The following TAF4B variants were observed in gnomAD, a reference collection of about 807,000 sequenced individuals.
TAF4B encodes the protein transcription initiation factor TFIID subunit 4B.
TAF4B carries 38 observed loss-of-function variants against 86.4 expected under a neutral mutation model. The ratio of observed to expected loss-of-function variants is 0.44; its 90% CI spans 0.34 to 0.58. The LOEUF (loss-of-function observed/expected upper bound fraction) is 0.58. Among genes scored for constraint, TAF4B ranks in the 20% least tolerant of loss-of-function variants. TAF4B has a pLI of 0.02. For missense variants in TAF4B, 988 were observed against 1,027.6 expected (o/e 0.96, Z 0.53); for synonymous variants, 388 against 391.2 (o/e 0.99, Z 0.10).
Position 26,321,149 on chromosome 18 carries a change from C to G in TAF4B, c.2082C>G (p.Gly694=), listed in dbSNP as rs780332387. The change falls in exon 11 of 15, where the codon GGC becomes GGG. Residue 694 remains glycine, a synonymous_variant. Transcript: ENST00000269142. ...ISQATQERLR[G]LLEKLTAIAQ... ...AAGCAACACAGGAACGACTACGAGG[C>G]CTTCTAGAAAAACTGACTGCAATTG... 2 of 1,613,802 alleles carry G rather than the reference C, an allele frequency of 1.2e-6. No homozygotes were observed. Among genetic ancestry groups the G allele is most frequent in the Admixed American group, 1.7e-5 (1 of 60,004 alleles).
chr18:26,246,449 G>A (rs1002068155), intron 1 of TAF4B, among the ~76,000 whole-genome samples: 3 of 152,142 alleles, frequency 2.0e-5, no homozygotes, highest in African/African-American at 7.2e-5. Context: ...TAGCAACATA[G>A]GAGAGAACAT....
rs1029611766 is a variant in TAF4B at position 26,226,958 on chromosome 18, G to A, written c.25G>A (p.Ala9Thr). The part of the protein sequence containing the change: MPAGLTEP[A>T]GAAPPAAVSA... ...GATGCCCGCCGGCCTCACCGAACCC[G>A]CCGGCGCCGCTCCCCCGGCTGCTGT... Residue 9 changes from alanine (A) to threonine (T), a missense_variant, in exon 1 of 15, where the codon GCC (alanine) becomes ACC (threonine). By Grantham distance (58) the Ala-to-Thr change is moderately conservative. This residue lies in a region of TAF4B where 747 missense variants were observed against 737.9 expected (regional missense o/e 1.01). Transcript: ENST00000269142. The A allele has an allele frequency of 1.4e-6, 2 of 1,381,570 alleles. No homozygotes were observed. Among genetic ancestry groups the A allele is most frequent in the Non-Finnish European group, 1.9e-6 (2 of 1,077,812 alleles). The allele number at this position is 1,381,570 out of a possible 1,614,324, so 85.6% of individuals were successfully genotyped here. A position where few individuals can be genotyped will look rare whatever the true frequency, so the allele number is the denominator to read the frequency against.
intron 13 of TAF4B, among the ~76,000 whole-genome samples, chr18:26,346,457 A>G (rs62085410): frequency 0.014 from 2,191 of 151,960 alleles, 31 homozygotes; most frequent in Admixed American, 0.034. Flanking sequence ...ATAATAGCTG[A>G]AAATTTCTCA....
rs542638915 is a variant in TAF4B at position 26,391,011 on chromosome 18, A to G, written c.*999A>G. On this transcript the variant is annotated 3_prime_UTR_variant, in exon 15 of 15. Coordinates refer to ENST00000269142, the MANE Select transcript of TAF4B (RefSeq NM_005640.3). ...CCTTCTGTCATAATATATTTTAGTT[A>G]TCCTAATTTTTAAGCATGTTGGCAC... is the stretch of plus-strand genomic sequence containing the variant. The G allele has an allele frequency of 6.6e-6, 1 of 152,312 alleles. No individual in the cohort carries two copies. The highest frequency in any genetic ancestry group is 1.9e-4 in the East Asian group (1 of 5,176). 9.4% of individuals were successfully genotyped at this position (152,312 alleles called of 1,614,324 possible).
intron 3 of TAF4B, among the ~76,000 whole-genome samples, 170 bp downstream of exon 3, chr18:26,267,793 A>G (rs1366038828): frequency 6.6e-6 from 1 of 152,258 alleles, no homozygotes; most frequent in Non-Finnish European, 1.5e-5. Context: ...GGGAAACAAG[A>G]TAAACATGGT....
intron 9 of TAF4B, 126 bp from the exon 10 acceptor site, chr18:26,315,103 T>C (rs1221864716): frequency 5.4e-6 from 1 of 186,820 alleles, no homozygotes; most frequent in African/African-American, 7.5e-5. Context: ...AAACTCTCTC[T>C]CTCTCTCTCT....
In TAF4B at chr18:26,265,247, A is replaced by C. The variant is rs1267372581; in HGVS notation, c.421A>C (p.Thr141Pro). 6.2e-7 allele frequency: 1 copy of C among 1,614,214 alleles called. No individual in the cohort carries two copies. The highest frequency in any genetic ancestry group is 8.5e-7 in the Non-Finnish European group (1 of 1,180,034). ...GCAAACTGTAACAAGAGCCGAGACC[A>C]CAAGTAACATAACCTCAAGGCCAGC... ...PQQTVTRAET[T>P]SNITSRPAVP... The change falls in exon 2 of 15, where the codon ACA becomes CCA. Residue 141 changes from threonine (T) to proline (P), a missense_variant. Thr to Pro is a conservative substitution (Grantham distance 38). This residue lies in a region of TAF4B where 747 missense variants were observed against 737.9 expected (regional missense o/e 1.01). Transcript: ENST00000269142.
chr18:26,270,546 G>A (rs1261173480), intron 3 of TAF4B, among the ~76,000 whole-genome samples: 1 of 152,120 alleles, frequency 6.6e-6, no homozygotes, highest in Non-Finnish European at 1.5e-5. Context: ...AACTCCTGGG[G>A]CTCAAGCAAA....
intron 3 of TAF4B, among the ~76,000 whole-genome samples, chr18:26,268,340 C>T (rs185525683): frequency 2.6e-5 from 4 of 152,294 alleles, no homozygotes; most frequent in Admixed American, 1.3e-4. Flanking sequence ...TTTGGGGAAA[C>T]AAAGAGGAGG....
At chr18:26,346,817 G>GTGTGTATATATATA (rs2057192681) in intron 13 of TAF4B, among the ~76,000 whole-genome samples, 3 of 11,644 alleles carry the variant, frequency 2.6e-4, no homozygotes, top group Admixed American at 8.1e-4. Context: ...ATATATATAT[G>GTGTGTATATATATA]TGTGTGTATA....
At chr18:26,271,157 C>G (rs1314175616) in intron 3 of TAF4B, among the ~76,000 whole-genome samples, 1 of 152,192 alleles carries the variant, frequency 6.6e-6, no homozygotes, top group Non-Finnish European at 1.5e-5. Context: ...GAAGATACAA[C>G]TCCTTGTACT....
At chr18:26,283,823 G>T (rs1420856731) in intron 6 of TAF4B, among the ~76,000 whole-genome samples, 1 of 152,184 alleles carries the variant, frequency 6.6e-6, no homozygotes, top group Non-Finnish European at 1.5e-5. Flanking sequence ...GCCCAAGGCA[G>T]GCAGATCACC....
At chr18:26,291,835 C>T (rs972789117) in intron 7 of TAF4B, among the ~76,000 whole-genome samples, 4 of 151,606 alleles carry the variant, frequency 2.6e-5, no homozygotes, top group Admixed American at 2.0e-4. Flanking sequence ...TAATTGAGGG[C>T]GGCAGGGAAG....
At chr18:26,307,167 G>A (rs2056803892) in intron 9 of TAF4B, among the ~76,000 whole-genome samples, 1 of 152,072 alleles carries the variant, frequency 6.6e-6, no homozygotes, top group African/African-American at 2.4e-5. Context: ...AGAAATAGTA[G>A]CGAATAATAT....
At chr18:26,276,698 G>A (rs936675891) in intron 5 of TAF4B, among the ~76,000 whole-genome samples, 2 of 151,988 alleles carry the variant, frequency 1.3e-5, no homozygotes, top group African/African-American at 4.8e-5. Flanking sequence ...TTCAACTTAC[G>A]GGTGTCTTTT....
At chr18:26,299,345 G>C (rs1273804759) in intron 9 of TAF4B, among the ~76,000 whole-genome samples, 1 of 151,948 alleles carries the variant, frequency 6.6e-6, no homozygotes, top group Non-Finnish European at 1.5e-5. Context: ...ATTATTCTAG[G>C]ATCATGAATT....
chr18:26,270,763 A>T (rs960797664), intron 3 of TAF4B, among the ~76,000 whole-genome samples: 8 of 152,040 alleles, frequency 5.3e-5, no homozygotes, highest in Non-Finnish European at 1.0e-4. Context: ...TGAGGGGGAA[A>T]ATCTTTACTA....
At chr18:26,253,821 C>A (rs2056040616) in intron 1 of TAF4B, among the ~76,000 whole-genome samples, 1 of 152,174 alleles carries the variant, frequency 6.6e-6, no homozygotes. Context: ...GAATTTGTTT[C>A]ATCTAAATTG....
chr18:26,354,365 C>G (rs1299721628), intron 13 of TAF4B, among the ~76,000 whole-genome samples: 1 of 152,198 alleles, frequency 6.6e-6, no homozygotes, highest in African/African-American at 2.4e-5. Context: ...GAGCACAGCA[C>G]CCAGCCCCAC....
Sources: gnomAD v4.1 joint callset for allele counts (sites outside exome capture counted in the v4.1 genomes callset) on GRCh38, gnomAD v4.1.1 for gene constraint, gnomAD v4.1.1 regional missense constraint, MANE v1.5 for transcripts, NCBI Gene and HGNC (gene_info 2026-07-23, HGNC 2026-07-21) for gene names.